Variants in PDE6B observed in about 807,000 individuals in gnomAD.
The protein encoded by PDE6B is phosphodiesterase 6B, also known as rod cGMP-specific 3',5'-cyclic phosphodiesterase subunit beta.
A neutral mutation model predicts 109.0 loss-of-function variants in PDE6B; 106 were observed. The observed-to-expected ratio is 0.97, with a 90% CI of 0.83 to 1.14. The LOEUF (loss-of-function observed/expected upper bound fraction) is 1.14. Among genes scored for constraint, PDE6B ranks in the 50% most tolerant of loss-of-function variants. The pLI, the probability that PDE6B is intolerant of heterozygous loss-of-function variation, is 0.00. For missense variants in PDE6B, 1,193 were observed against 1,155.6 expected, an observed-to-expected ratio of 1.03 and a Z score of -0.47; for synonymous variants, 490 against 471.3, an observed-to-expected ratio of 1.04 and a Z score of -0.51.
intron 6 of PDE6B, chr4:655,100 G>A (rs2109202044): frequency 3.3e-6 from 2 of 602,038 alleles, no homozygotes; most frequent in Admixed American, 2.7e-5. Context: ...GAGATGGTGA[G>A]GAGGACGTGG....
intron 8 of PDE6B, among the ~76,000 whole-genome samples, 199 bp downstream of exon 8, chr4:656,491 G>C (rs1249803376): frequency 6.7e-6 from 1 of 150,226 alleles, no homozygotes; most frequent in Non-Finnish European, 1.5e-5. Context: ...CCCCACACAC[G>C]CCCGCAAGGC....
Position 626,172 on chromosome 4 carries a change from G to C in PDE6B, c.468+78G>C, listed in dbSNP as rs1410260791. The C allele has an allele frequency of 1.1e-6, 1 of 892,278 alleles. No individual in the cohort carries two copies. The highest frequency in any genetic ancestry group is 2.6e-5 in the East Asian group (1 of 38,078). The allele number at this position is 892,278 out of a possible 1,614,324, so 55.3% of individuals were successfully genotyped here. ...TCCCAGGTGTCTAAGGGTCAGCTCG[G>C]ATCCTCAGGCCTCCAGGGAGGCCTC... is the stretch of plus-strand genomic sequence containing the variant. On this transcript the variant is annotated intron_variant, in intron 1 of 21. Transcript: ENST00000496514. The surrounding 1 kb of genome is among the most constrained non-coding windows in gnomAD (Gnocchi z 4.6).
intron 7 of PDE6B, 53 bp downstream of exon 7, chr4:656,059 C>T (rs1333098307): frequency 4.7e-5 from 56 of 1,201,414 alleles, no homozygotes; most frequent in Admixed American, 8.4e-5. Context: ...CTGGGTGCGG[C>T]GATGTGTGCT....
Position 635,869 on chromosome 4 carries a change from T to A in PDE6B, c.622-11T>A, listed in dbSNP as rs778244597. On this transcript the variant is annotated splice_polypyrimidine_tract_variant and intron_variant, in intron 2 of 21. Coordinates refer to ENST00000496514, the MANE Select transcript of PDE6B (RefSeq NM_000283.4). Reference sequence around the variant, plus strand: ...GAATTTTAATTCCTCTTGTTGCAATTCCTGTTTCAGGTGTTCTTGAAGTAC... The same window carrying A: ...GAATTTTAATTCCTCTTGTTGCAATACCTGTTTCAGGTGTTCTTGAAGTAC... 69 of 1,401,472 alleles carry A rather than the reference T, an allele frequency of 4.9e-5. 1 individual carries two copies. In the South Asian group the frequency reaches 7.7e-4, roughly 16 times the overall value. The allele number at this position is 1,401,472 out of a possible 1,614,324, so 86.8% of individuals were successfully genotyped here. A position where few individuals can be genotyped will look rare whatever the true frequency, so the allele number is the denominator to read the frequency against.
Position 636,618 on chromosome 4 carries a change from A to G in PDE6B, c.711+649A>G, listed in dbSNP as rs1054973894. Among the ~76,000 whole-genome samples the G allele has an allele frequency of 6.6e-6, 1 of 152,074 alleles. No homozygotes were observed. Among genetic ancestry groups the G allele is most frequent in the Non-Finnish European group, 1.5e-5 (1 of 67,988 alleles). On this transcript the variant is annotated intron_variant, in intron 3 of 21. Coordinates refer to ENST00000496514, the MANE Select transcript of PDE6B (RefSeq NM_000283.4). The surrounding 1 kb of genome is among the most constrained non-coding windows in gnomAD (Gnocchi z 4.5). ...TTGGGGCTGGGAAGCCGTCCATGCA[A>G]TGGCCTGGGGGCTGAGCCACAAAGG...
Position 668,211 on chromosome 4 carries a change from GA to G in PDE6B, c.2503+210del, listed in dbSNP as rs1297369018. ...TCCACCTCGGTAGCAAACCCGGACTGAAAAATTTCCTCTGTTCCTAGCCAGT... is the reference window on the plus strand; with the variant it reads ...TCCACCTCGGTAGCAAACCCGGACTGAAAATTTCCTCTGTTCCTAGCCAGT... On this transcript the variant is annotated intron_variant, in intron 21 of 21. Transcript: ENST00000496514. Among the ~76,000 whole-genome samples, 5 of 152,056 alleles carry G rather than the reference GA, an allele frequency of 3.3e-5. No individual in the cohort carries two copies. The East Asian group carries it at 9.6e-4, about 29-fold the overall frequency.
chr4:630,056 C>T (rs1201123130), intron 1 of PDE6B, among the ~76,000 whole-genome samples: 1 of 152,080 alleles, frequency 6.6e-6, no homozygotes, highest in Non-Finnish European at 1.5e-5. Context: ...CAGGCAAGGA[C>T]CCCCCGGCCA....
rs779222916 is a variant in PDE6B, at chr4:662,531, A to G, written c.1745A>G (p.Tyr582Cys). 6.2e-7 allele frequency: 1 copy of G among 1,612,466 alleles called. No individual in the cohort carries two copies. Among genetic ancestry groups the G allele is most frequent in the South Asian group, 1.1e-5 (1 of 91,066 alleles). ...LLMTGKLKSYYTDLEAFAMVT... is the reference protein window; with the variant it reads ...LLMTGKLKSYCTDLEAFAMVT... ...CAGACCGGCAAACTGAAGAGCTACT[A>G]CACGGACCTGGAGGCCTTCGCCATG... The change falls in exon 14 of 22, where the codon TAC (tyrosine) becomes TGC (cysteine). Residue 582 changes from tyrosine to cysteine, a missense_variant. Transcript: ENST00000496514. This position sits in a 1 kb window ranked among gnomAD's most constrained non-coding sequence, Gnocchi z 4.3.
Position 666,195 on chromosome 4 carries a change from C to T in PDE6B, c.2269-336C>T, listed in dbSNP as rs910803380. Among the ~76,000 whole-genome samples the T allele has an allele frequency of 5.3e-5, 8 of 152,166 alleles. No homozygotes were observed. The highest frequency in any genetic ancestry group is 3.9e-4 in the Admixed American group (6 of 15,278). ...GAGTGTCTGGGCAGTGCAGCCCAGC[C>T]CGGCTCAGCACTGTGTACAGCCCAT... On this transcript the variant is annotated intron_variant, in intron 19 of 21. Coordinates refer to ENST00000496514, the MANE Select transcript of PDE6B (RefSeq NM_000283.4). The surrounding 1 kb of genome is among the most constrained non-coding windows in gnomAD (Gnocchi z 5.6).
intron 3 of PDE6B, 52 bp from the exon 4 acceptor site, chr4:653,800 C>G: frequency 6.2e-7 from 1 of 1,602,620 alleles, no homozygotes; most frequent in Admixed American, 1.7e-5. Context: ...GTGGTCAGAC[C>G]GGCGTGAGGG....
In PDE6B at chr4:663,396, A is replaced by C. The variant is rs1025937993; in HGVS notation, c.1920+209A>C. On this transcript the variant is annotated intron_variant, in intron 15 of 21. Transcript: ENST00000496514. The surrounding 1 kb of genome is among the most constrained non-coding windows in gnomAD (Gnocchi z 4.0). Reference sequence around the variant, plus strand: ...TGGGAAAACGCTTGTGGGGAAGACAACTGGAAAGGGCCCCTCATGGGGTGG... The same window carrying C: ...TGGGAAAACGCTTGTGGGGAAGACACCTGGAAAGGGCCCCTCATGGGGTGG... Among the ~76,000 whole-genome samples, 22 of 152,132 alleles carry C rather than the reference A, an allele frequency of 1.4e-4. No individual in the cohort carries two copies. Among genetic ancestry groups the C allele is most frequent in the African/African-American group, 4.6e-4 (19 of 41,434 alleles).
intron 1 of PDE6B, among the ~76,000 whole-genome samples, chr4:630,999 G>C (rs1203130962): frequency 6.6e-6 from 1 of 152,232 alleles, no homozygotes; most frequent in Non-Finnish European, 1.5e-5. Flanking sequence ...CCAGGTGCCT[G>C]CTGAGACCAG....
At chr4:646,673 C>T (rs538894433) in intron 3 of PDE6B, among the ~76,000 whole-genome samples, 1 of 152,132 alleles carries the variant, frequency 6.6e-6, no homozygotes, top group South Asian at 2.1e-4. Flanking sequence ...GCGCTCCCGG[C>T]CCCCTTCCTC....
chr4:666,272 G>A lies in PDE6B; in HGVS notation c.2269-259G>A, dbSNP rs1737789120. 6.6e-6 allele frequency among the ~76,000 whole-genome samples: 1 copy of A among 152,176 alleles called. No individual in the cohort carries two copies. On this transcript the variant is annotated intron_variant, in intron 19 of 21. Transcript: ENST00000496514. The surrounding 1 kb of genome is among the most constrained non-coding windows in gnomAD (Gnocchi z 5.6). The stretch of plus-strand genomic sequence containing the variant: ...AGTAAGGGTCCCCAGAGCCAAGAGG[G>A]GGCTGCCCTCAGGGGACCACGGGCT...
chr4:662,344 A>G lies in PDE6B; in HGVS notation c.1722+103A>G. ...GAGATGGGGGTCCTCCCAGGGCAGAAGGATGGAGGAGGGCAACGCCCTCTG... is the reference window on the plus strand; with the variant it reads ...GAGATGGGGGTCCTCCCAGGGCAGAGGGATGGAGGAGGGCAACGCCCTCTG... On this transcript the variant is annotated intron_variant, in intron 13 of 21. Coordinates refer to ENST00000496514, the MANE Select transcript of PDE6B (RefSeq NM_000283.4). The surrounding 1 kb of genome is among the most constrained non-coding windows in gnomAD (Gnocchi z 4.3). 2.4e-6 allele frequency: 2 copies of G among 826,716 alleles called. No individual in the cohort carries two copies. The highest frequency in any genetic ancestry group is 4.1e-6 in the Non-Finnish European group (2 of 489,162). 51.2% of individuals were successfully genotyped at this position (826,716 alleles called of 1,614,324 possible).
In PDE6B at chr4:648,440, C is replaced by T. The variant is rs924786135; in HGVS notation, c.712-5412C>T. ...CAAAGATTGGCCCCCGCAGTCCGCC[C>T]AACGCCTGCACTTCGTCTGCCTCCT... On this transcript the variant is annotated intron_variant, in intron 3 of 21. Transcript: ENST00000496514. This position sits in a 1 kb window ranked among gnomAD's most constrained non-coding sequence, Gnocchi z 4.5. Among the ~76,000 whole-genome samples the T allele has an allele frequency of 3.3e-5, 5 of 150,534 alleles. No homozygotes were observed.
chr4:650,920 A>C (rs1407147009), intron 3 of PDE6B, among the ~76,000 whole-genome samples: 1 of 152,202 alleles, frequency 6.6e-6, no homozygotes, highest in Non-Finnish European at 1.5e-5. Context: ...TTAACCGGAA[A>C]ATTAAAAATG....
At chr4:628,463 G>A (rs1005965158) in intron 1 of PDE6B, among the ~76,000 whole-genome samples, 14 of 152,094 alleles carry the variant, frequency 9.2e-5, no homozygotes, top group South Asian at 2.1e-4. Flanking sequence ...CCGGAGTCTC[G>A]CCCTCCTGAG....
At position 665,003 on chromosome 4, in the gene PDE6B, G is replaced by C. The variant is rs1421695695; in HGVS notation, c.2193+59G>C. 6 of 1,364,870 alleles carry C rather than the reference G, an allele frequency of 4.4e-6. No homozygotes were observed. Among genetic ancestry groups the C allele is most frequent in the South Asian group, 1.2e-5 (1 of 86,192 alleles). The allele number at this position is 1,364,870 out of a possible 1,614,324, so 84.5% of individuals were successfully genotyped here. On this transcript the variant is annotated intron_variant, in intron 18 of 21. Coordinates refer to ENST00000496514, the MANE Select transcript of PDE6B (RefSeq NM_000283.4). The surrounding 1 kb of genome is among the most constrained non-coding windows in gnomAD (Gnocchi z 4.0). ...GTGCCTCTCAGCACATGGGACTGCC[G>C]GGCGGGCGGGAGCCTCGGATGGCAA...
Sources: gnomAD v4.1 joint callset for allele counts (sites outside exome capture counted in the v4.1 genomes callset) on GRCh38, gnomAD v4.1.1 for gene constraint, Gnocchi (gnomAD v3.1) non-coding constraint, MANE v1.5 for transcripts, NCBI Gene and HGNC (gene_info 2026-07-23, HGNC 2026-07-21) for gene names.